ADGB: variants seen among roughly 807,000 people sequenced by gnomAD.
ADGB encodes calpain-7-like protein.
A neutral mutation model predicts 210.5 loss-of-function variants in ADGB; 172 were observed. That is an observed-to-expected ratio of 0.82 (90% CI 0.72 to 0.93). The LOEUF (loss-of-function observed/expected upper bound fraction) is 0.93. Among genes scored for constraint, ADGB ranks in the 40% least tolerant of loss-of-function variants. ADGB has a pLI of 0.00. For synonymous variants in ADGB, 658 were observed against 662.7 expected (o/e 0.99, Z 0.11); for missense variants, 2,025 against 1,964.8 (o/e 1.03, Z -0.58).
intron 35 of ADGB, among the ~76,000 whole-genome samples, chr6:146,807,096 T>A (rs1323067598): frequency 6.6e-6 from 1 of 152,222 alleles, no homozygotes; most frequent in Non-Finnish European, 1.5e-5. Flanking sequence ...GGCTTATTAA[T>A]ATCTCATATA....
chr6:146,727,514 A>G (rs1776913991), intron 19 of ADGB, among the ~76,000 whole-genome samples: 2 of 152,156 alleles, frequency 1.3e-5, no homozygotes, highest in South Asian at 4.1e-4. Flanking sequence ...TTTATATGGT[A>G]TACATTGTCA....
intron 13 of ADGB, among the ~76,000 whole-genome samples, chr6:146,712,494 G>T (rs55811100): frequency 0.19 from 29,444 of 151,440 alleles, 3,625 homozygotes; most frequent in Non-Finnish European, 0.29. Context: ...GCCCTGGGTT[G>T]TTTTTTTTGT....
chr6:146,749,445 C>G (rs1191397515), intron 26 of ADGB, among the ~76,000 whole-genome samples: 1 of 152,084 alleles, frequency 6.6e-6, no homozygotes, highest in Non-Finnish European at 1.5e-5. Context: ...AGCAAAGCAG[C>G]CCCCAAACAG....
In ADGB at chr6:146,691,249, T is replaced by C. The variant is rs1368899729; in HGVS notation, c.1445T>C (p.Ile482Thr). 6.5e-7 allele frequency: 1 copy of C among 1,546,952 alleles called. No homozygotes were observed. The highest frequency in any genetic ancestry group is 2.0e-5 in the Admixed American group (1 of 50,304). ...CCTCCTCTACCTCCCTGGAAACTCA[T>C]TCGTCAAAAAAAGGAAACTGTTATA... ...KPPPLPPWKL[I>T]RQKKETVITD... Residue 482 changes from isoleucine (I) to threonine (T), a missense_variant, in exon 11 of 36, where the codon ATT becomes ACT. By Grantham distance (89) the Ile-to-Thr change is moderately conservative (BLOSUM62 -1). Coordinates refer to ENST00000397944, the MANE Select transcript of ADGB (RefSeq NM_024694.4).
intron 35 of ADGB, among the ~76,000 whole-genome samples, chr6:146,814,583 G>A (rs1456322550): frequency 6.6e-6 from 1 of 152,178 alleles, no homozygotes; most frequent in African/African-American, 2.4e-5. Flanking sequence ...GCTGACAAGA[G>A]CAAAGTAACC....
At chr6:146,784,429 A>G (rs1777843982) in intron 30 of ADGB, among the ~76,000 whole-genome samples, 189 bp from the exon 31 acceptor site, 2 of 152,312 alleles carry the variant, frequency 1.3e-5, no homozygotes, top group South Asian at 4.1e-4. Flanking sequence ...TGATAGACAT[A>G]TATGTTGGTT....
At chr6:146,705,747 A>G (rs1776560939) in intron 13 of ADGB, among the ~76,000 whole-genome samples, 1 of 152,112 alleles carries the variant, frequency 6.6e-6, no homozygotes, top group Non-Finnish European at 1.5e-5. Flanking sequence ...ATTTTCTTAT[A>G]GTGTCCTTGT....
At chr6:146,701,398 T>C (rs1017773847) in intron 13 of ADGB, among the ~76,000 whole-genome samples, 8 of 152,110 alleles carry the variant, frequency 5.3e-5, no homozygotes, top group Non-Finnish European at 1.0e-4. Flanking sequence ...TCATGTCCTG[T>C]TCATTTCACT....
At chr6:146,720,496 A>C (rs1312060725) in intron 16 of ADGB, among the ~76,000 whole-genome samples, 4 of 152,170 alleles carry the variant, frequency 2.6e-5, no homozygotes, top group Non-Finnish European at 4.4e-5. Context: ...CATCTCCAAA[A>C]CAAAAACCCA....
At chr6:146,600,951 CA>C in intron 1 of ADGB, among the ~76,000 whole-genome samples, 1 of 151,838 alleles carries the variant, frequency 6.6e-6, no homozygotes, top group Non-Finnish European at 1.5e-5. Context: ...CACACACACA[CA>C]CACACACACA....
chr6:146,804,528 T>C (rs1348789287), intron 35 of ADGB, among the ~76,000 whole-genome samples: 1 of 152,104 alleles, frequency 6.6e-6, no homozygotes, highest in Non-Finnish European at 1.5e-5. Context: ...TTGCATTCTT[T>C]CAGTTGCCCA....
chr6:146,606,103 T>G (rs1780625815), intron 1 of ADGB, among the ~76,000 whole-genome samples: 1 of 152,208 alleles, frequency 6.6e-6, no homozygotes, highest in East Asian at 1.9e-4. Flanking sequence ...TTTTGACTTT[T>G]TATAATATCC....
chr6:146,729,778 C>A (rs573410343), intron 20 of ADGB, among the ~76,000 whole-genome samples: 1 of 152,132 alleles, frequency 6.6e-6, no homozygotes, highest in Non-Finnish European at 1.5e-5. Flanking sequence ...TTTAATATTA[C>A]CTGTATATGT....
At chr6:146,619,823 C>T (rs571562814) in intron 1 of ADGB, among the ~76,000 whole-genome samples, 3 of 152,136 alleles carry the variant, frequency 2.0e-5, no homozygotes, top group Admixed American at 6.6e-5. Flanking sequence ...AGCCCAGTTA[C>T]AGTTTTAGAA....
chr6:146,807,451 A>G, intron 35 of ADGB: 1 of 1,551,726 alleles, frequency 6.4e-7, no homozygotes, highest in Non-Finnish European at 8.7e-7. Context: ...CGGGAAGAGT[A>G]CAGAAACAAA....
chr6:146,633,118 G>A (rs1781087352), intron 1 of ADGB, among the ~76,000 whole-genome samples: 2 of 152,128 alleles, frequency 1.3e-5, no homozygotes, highest in South Asian at 2.1e-4. Context: ...ATTTATCAGC[G>A]CACTGCTGCT....
intron 28 of ADGB, among the ~76,000 whole-genome samples, chr6:146,767,295 C>T (rs1428695440): frequency 6.6e-6 from 1 of 152,124 alleles, no homozygotes; most frequent in Non-Finnish European, 1.5e-5. Flanking sequence ...GAATTACTCA[C>T]AGATAATATA....
chr6:146,686,478 G>A (rs1324147700), intron 10 of ADGB, among the ~76,000 whole-genome samples: 1 of 151,804 alleles, frequency 6.6e-6, no homozygotes, highest in Non-Finnish European at 1.5e-5. Context: ...TTTTTTACTG[G>A]AATCACACTT....
Position 146,741,435 on chromosome 6 carries a change from T to C in ADGB, c.3177+164T>C, listed in dbSNP as rs560881003. Reference sequence around the variant, plus strand: ...GTCCCATATATTTAACAGTAGGAGATATTAAATGTAAGTGCTAAAGCATTC... The same window carrying C: ...GTCCCATATATTTAACAGTAGGAGACATTAAATGTAAGTGCTAAAGCATTC... On this transcript the variant is annotated intron_variant, in intron 25 of 35. Transcript: ENST00000397944. Among the ~76,000 whole-genome samples the C allele has an allele frequency of 1.2e-4, 19 of 152,218 alleles. No homozygotes were observed. In the South Asian group the frequency reaches 3.9e-3, roughly 32 times the overall value.
Sources: gnomAD v4.1 joint callset for allele counts (sites outside exome capture counted in the v4.1 genomes callset) on GRCh38, gnomAD v4.1.1 for gene constraint, MANE v1.5 for transcripts, NCBI Gene and HGNC (gene_info 2026-07-23, HGNC 2026-07-21) for gene names.